Variants in USP24 observed in about 807,000 individuals in gnomAD.
The protein encoded by USP24 is ubiquitin specific peptidase 24.
Under a neutral mutation model 361.6 loss-of-function variants are expected in USP24, and 97 were observed. That is an observed-to-expected ratio of 0.27 (90% CI 0.23 to 0.32). The LOEUF (loss-of-function observed/expected upper bound fraction) is 0.32. Ranked by LOEUF, USP24 falls within the 10% of genes least tolerant of loss-of-function variation. The pLI, the probability that USP24 is intolerant of heterozygous loss-of-function variation, is 1.00. For synonymous variants in USP24, 1,098 were observed against 1,124.6 expected (o/e 0.98, Z 0.47); for missense variants, 2,353 against 3,165.6 (o/e 0.74, Z 6.16).
chr1:55,214,923 G>C lies in USP24; in HGVS notation c.191C>G (p.Pro64Arg). ...EPMDSGGGPSPGPGGGPRGDG... is the reference protein window; with the variant it reads ...EPMDSGGGPSRGPGGGPRGDG... ...GCCCCGCGGGCCCCCGCCGGGCCCG[G>C]GGCTGGGGCCACCGCCGCTGTCCAT... Residue 64 changes from proline (P) to arginine (R), a missense_variant, in exon 1 of 68, where the codon CCC (proline) becomes CGC (arginine). Transcript: ENST00000294383. 1 of 1,354,100 alleles carries C rather than the reference G, an allele frequency of 7.4e-7. No individual in the cohort carries two copies. The highest frequency in any genetic ancestry group is 9.6e-7 in the Non-Finnish European group (1 of 1,042,082). 83.9% of individuals were successfully genotyped at this position (1,354,100 alleles called of 1,614,324 possible). A position where few individuals can be genotyped will look rare whatever the true frequency, so the allele number is the denominator to read the frequency against.
At chr1:55,172,656 A>C in intron 3 of USP24, 136 bp from the exon 4 acceptor site, 1 of 915,996 alleles carries the variant, frequency 1.1e-6, no homozygotes, top group Non-Finnish European at 1.5e-6. Flanking sequence ...CTTTTAAAAG[A>C]CCCATAGCTG....
chr1:55,135,674 T>C (rs1160022648), intron 28 of USP24, among the ~76,000 whole-genome samples: 3 of 152,128 alleles, frequency 2.0e-5, no homozygotes, highest in Non-Finnish European at 2.9e-5. Context: ...AGGTTTATGC[T>C]CTGTAAATTA....
intron 39 of USP24, among the ~76,000 whole-genome samples, chr1:55,107,841 CA>C (rs777328294): frequency 6.9e-3 from 262 of 38,244 alleles, no homozygotes; most frequent in Middle Eastern, 0.053. Flanking sequence ...GACTCTGTCT[CA>C]AAAAAAAAAA....
At position 55,157,058 on chromosome 1, in the gene USP24, G is replaced by T. The variant is rs1557648030; in HGVS notation, c.1343-7C>A. The T allele has an allele frequency of 6.2e-7, 1 of 1,604,624 alleles. No homozygotes were observed. The highest frequency in any genetic ancestry group is 1.3e-5 in the African/African-American group (1 of 74,468). ...TGTGCTTGGTCTATGTTGCCTAATT[G>T]AAGAAACATGAGAGAGAAAGTCAGA... is the stretch of plus-strand genomic sequence containing the variant. On this transcript the variant is annotated splice_region_variant and splice_polypyrimidine_tract_variant and intron_variant, in intron 11 of 67. Transcript: ENST00000294383.
intron 31 of USP24, among the ~76,000 whole-genome samples, chr1:55,131,963 T>G (rs1391300613): frequency 6.6e-6 from 1 of 152,202 alleles, no homozygotes; most frequent in Non-Finnish European, 1.5e-5. Flanking sequence ...TAGTGCTTTG[T>G]TTACACTCTG....
Position 55,182,897 on chromosome 1 carries a change from TAG to T in USP24, c.325-4767_325-4766del, listed in dbSNP as rs375859682. Among the ~76,000 whole-genome samples, 46 of 152,110 alleles carry T rather than the reference TAG, an allele frequency of 3.0e-4. 1 individual carries two copies. In the East Asian group the frequency reaches 8.5e-3, roughly 28 times the overall value. On this transcript the variant is annotated intron_variant, in intron 1 of 67. Coordinates refer to ENST00000294383, the MANE Select transcript of USP24 (RefSeq NM_015306.3). ...GTCCAGCTCATTTTTGTATTTTTAG[TAG>T]AGAGAGACAGGGTTTCGCCATGTTG...
chr1:55,190,530 A>G (rs1169134086), intron 1 of USP24, among the ~76,000 whole-genome samples: 1 of 152,244 alleles, frequency 6.6e-6, no homozygotes, highest in Non-Finnish European at 1.5e-5. Flanking sequence ...CCGAACAGAC[A>G]TAATGTATTG....
chr1:55,125,884 GA>G, intron 32 of USP24, 126 bp from the exon 33 acceptor site: 1 of 756,396 alleles, frequency 1.3e-6, no homozygotes, highest in Non-Finnish European at 2.1e-6. Context: ...GTCATAAAAA[GA>G]GCCTACATAT....
intron 5 of USP24, among the ~76,000 whole-genome samples, chr1:55,170,105 T>C (rs531774983): frequency 1.3e-5 from 2 of 152,098 alleles, no homozygotes; most frequent in African/African-American, 4.8e-5. Flanking sequence ...CAGAGGGATA[T>C]GATATTAAAG....
chr1:55,119,294 G>A (rs997012813), intron 38 of USP24, among the ~76,000 whole-genome samples: 2 of 152,194 alleles, frequency 1.3e-5, no homozygotes, highest in Admixed American at 6.5e-5. Context: ...AGGACATTAT[G>A]CTAAGTGAAA....
chr1:55,169,314 T>C (rs1649213154), intron 5 of USP24, among the ~76,000 whole-genome samples: 1 of 151,770 alleles, frequency 6.6e-6, no homozygotes, highest in Non-Finnish European at 1.5e-5. Context: ...TGTGAAAAGG[T>C]GTTAAGGGTC....
At position 55,101,624 on chromosome 1, in the gene USP24, G is replaced by A; in HGVS notation, c.5105C>T (p.Ala1702Val). The change falls in exon 43 of 68, where the codon GCA becomes GTA. Residue 1702 changes from alanine (A) to valine (V), a missense_variant. Physicochemically the swap from Ala to Val is moderately conservative, Grantham distance 64. This residue lies in a region of USP24 where 949 missense variants were observed against 1,280.5 expected (regional missense o/e 0.74). Coordinates refer to ENST00000294383, the MANE Select transcript of USP24 (RefSeq NM_015306.3). ...RNGGATCYMN[A>V]VFQQLYMQPG... ...TTGCATATACAGCTGCTGGAAGACT[G>A]CATTCATATAACAAGTTGCACCACC... The A allele has an allele frequency of 6.2e-7, 1 of 1,613,078 alleles. No homozygotes were observed. Among genetic ancestry groups the A allele is most frequent in the Non-Finnish European group, 8.5e-7 (1 of 1,179,554 alleles).
chr1:55,092,787 T>C (rs1336172458), intron 53 of USP24, 34 bp downstream of exon 53: 15 of 1,424,746 alleles, frequency 1.1e-5, no homozygotes, highest in South Asian at 1.3e-5. Flanking sequence ...ATTGTAACCC[T>C]TTCTTATTTC....
chr1:55,115,590 C>T (rs1425711782), intron 38 of USP24, among the ~76,000 whole-genome samples: 1 of 148,072 alleles, frequency 6.8e-6, no homozygotes, highest in Non-Finnish European at 1.5e-5. Context: ...TTAGTTCAAT[C>T]ATTGTGGAGA....
At chr1:55,116,585 A>C (rs1304345645) in intron 38 of USP24, among the ~76,000 whole-genome samples, 2 of 152,140 alleles carry the variant, frequency 1.3e-5, no homozygotes, top group African/African-American at 4.8e-5. Context: ...AATTCCTAGC[A>C]ACACAAAACC....
chr1:55,158,241 C>A (rs1418416781), intron 10 of USP24, among the ~76,000 whole-genome samples: 1 of 152,182 alleles, frequency 6.6e-6, no homozygotes, highest in Non-Finnish European at 1.5e-5. Flanking sequence ...GGCTAGTAAA[C>A]CTTTCATTCA....
intron 1 of USP24, among the ~76,000 whole-genome samples, chr1:55,185,243 A>G (rs1035191694): frequency 1.3e-5 from 2 of 151,708 alleles, no homozygotes; most frequent in South Asian, 2.1e-4. Context: ...GTGAGCCAAC[A>G]TATCTGGTCA....
intron 63 of USP24, among the ~76,000 whole-genome samples, chr1:55,074,372 G>T (rs149815794): frequency 6.6e-6 from 1 of 152,112 alleles, no homozygotes; most frequent in Non-Finnish European, 1.5e-5. Context: ...GGTGGCTCAC[G>T]CCTGTAATCC....
chr1:55,076,732 C>A (rs1388676214), intron 62 of USP24, among the ~76,000 whole-genome samples: 1 of 151,836 alleles, frequency 6.6e-6, no homozygotes, highest in East Asian at 1.9e-4. Context: ...TTTTTTTTCC[C>A]CTGCTCTTCA....
Sources: gnomAD v4.1 joint callset for allele counts (sites outside exome capture counted in the v4.1 genomes callset) on GRCh38, gnomAD v4.1.1 for gene constraint, gnomAD v4.1.1 regional missense constraint, MANE v1.5 for transcripts, NCBI Gene and HGNC (gene_info 2026-07-23, HGNC 2026-07-21) for gene names.